OSCAR: variants seen among roughly 807,000 people sequenced by gnomAD.
OSCAR encodes osteoclast-associated immunoglobulin-like receptor.
OSCAR carries 25 observed loss-of-function variants against 27.3 expected under a neutral mutation model. The observed-to-expected ratio is 0.92, with a 90% CI of 0.67 to 1.28. The LOEUF (loss-of-function observed/expected upper bound fraction) is 1.28, where lower values mean the gene tolerates loss of function less well. Among genes scored for constraint, OSCAR ranks in the 50% most tolerant of loss-of-function variants. The pLI is 0.00. For missense variants in OSCAR, 354 were observed against 355.1 expected (o/e 1.00, Z 0.03); for synonymous variants, 158 against 165.7 (o/e 0.95, Z 0.36).
intron 4 of OSCAR, 139 bp from the exon 5 acceptor site, chr19:54,095,496 G>A: frequency 7.0e-7 from 1 of 1,434,764 alleles, no homozygotes; most frequent in Admixed American, 2.8e-5. Context: ...GTCGATGGAG[G>A]CTTCAACTCC....
chr19:54,100,696 G>T (rs771641195), intron 1 of OSCAR, 60 bp downstream of exon 1: 8 of 1,506,976 alleles, frequency 5.3e-6, no homozygotes, highest in Non-Finnish European at 7.2e-6. Flanking sequence ...GGTCTCCATT[G>T]CCTCTCTCTC....
chr19:54,096,639 T>A (rs2072738859), intron 3 of OSCAR, among the ~76,000 whole-genome samples: 1 of 148,116 alleles, frequency 6.8e-6, no homozygotes, highest in African/African-American at 2.5e-5. Flanking sequence ...TCTGCCTCCC[T>A]TTCTCCTTCT....
Position 54,095,179 on chromosome 19 carries a change from G to T in OSCAR, c.*42C>A, listed in dbSNP as rs1245158494. ...TCCAGCCCAGGGTCCCAGCTTCTCC[G>T]CCACTCAGGTTGGAAGTCTCGGGCT... On this transcript the variant is annotated 3_prime_UTR_variant, in exon 5 of 5. Coordinates refer to ENST00000358375, the MANE Select transcript of OSCAR (RefSeq NM_133169.6). 4 of 1,593,572 alleles carry T rather than the reference G, an allele frequency of 2.5e-6. No individual in the cohort carries two copies. Among genetic ancestry groups the T allele is most frequent in the African/African-American group, 1.3e-5 (1 of 74,596 alleles).
chr19:54,095,682 ACTC>A, intron 4 of OSCAR, 187 bp downstream of exon 4: 1 of 1,060,212 alleles, frequency 9.4e-7, no homozygotes. Context: ...GGAGGACTAG[ACTC>A]CTGGATCTGA....
chr19:54,098,819 C>G (rs950662480), intron 2 of OSCAR, among the ~76,000 whole-genome samples: 1 of 151,688 alleles, frequency 6.6e-6, no homozygotes, highest in Non-Finnish European at 1.5e-5. Context: ...AACCCTGTCT[C>G]TACTAAAAAT....
rs968490375 is a variant in OSCAR at position 54,094,930 on chromosome 19, C to A, written c.*291G>T. 6.1e-5 allele frequency: 24 copies of A among 394,930 alleles called. No homozygotes were observed. The highest frequency in any genetic ancestry group is 1.1e-4 in the Non-Finnish European group (24 of 226,442). The allele number at this position is 394,930 out of a possible 1,614,324, so 24.5% of individuals were successfully genotyped here. A position where few individuals can be genotyped will look rare whatever the true frequency, so the allele number is the denominator to read the frequency against. Reference sequence around the variant, plus strand: ...GAAGTCCAGCTGGCTTCACGTCTCACTACTACCTTTCTGTAGCTGCTACTA... The same window carrying A: ...GAAGTCCAGCTGGCTTCACGTCTCAATACTACCTTTCTGTAGCTGCTACTA... On this transcript the variant is annotated 3_prime_UTR_variant, in exon 5 of 5. Transcript: ENST00000358375.
rs771722966 is a variant in OSCAR, at chr19:54,095,258, C to A, written c.755G>T (p.Arg252Leu). Residue 252 changes from arginine (R) to leucine (L), a missense_variant, in exon 5 of 5, where the codon CGC becomes CTC. Transcript: ENST00000358375. ...SLGALVTFDWRSQNRAPAGIR... is the reference protein window; with the variant it reads ...SLGALVTFDWLSQNRAPAGIR... Reference sequence around the variant, plus strand: ...ACCAGCAGGAGCGCGGTTCTGACTGCGCCAGTCAAAAGTGACCAGCGCGCC... The same window carrying A: ...ACCAGCAGGAGCGCGGTTCTGACTGAGCCAGTCAAAAGTGACCAGCGCGCC... The A allele has an allele frequency of 1.2e-6, 2 of 1,609,436 alleles. No individual in the cohort carries two copies. The highest frequency in any genetic ancestry group is 1.7e-6 in the Non-Finnish European group (2 of 1,178,416).
At chr19:54,098,186 A>G (rs2072851580) in intron 2 of OSCAR, among the ~76,000 whole-genome samples, 2 of 152,198 alleles carry the variant, frequency 1.3e-5, no homozygotes, top group African/African-American at 4.8e-5. Flanking sequence ...CAAATTTCTT[A>G]AGTTGTGTAT....
At chr19:54,097,351 A>G (rs2072802843) in intron 2 of OSCAR, among the ~76,000 whole-genome samples, 187 bp from the exon 3 acceptor site, 1 of 152,104 alleles carries the variant, frequency 6.6e-6, no homozygotes, top group Non-Finnish European at 1.5e-5. Context: ...TGCAAATCAG[A>G]GGGGCAGGAC....
chr19:54,097,660 T>A (rs1411138879), intron 2 of OSCAR, among the ~76,000 whole-genome samples: 2 of 146,432 alleles, frequency 1.4e-5, no homozygotes, highest in African/African-American at 5.1e-5. Context: ...AGTGGCATGT[T>A]CTCAACTCAC....
At chr19:54,096,596 C>T (rs12984924) in intron 3 of OSCAR, among the ~76,000 whole-genome samples, 1,154 of 111,150 alleles carry the variant, frequency 0.01, 8 homozygotes, top group East Asian at 0.026. Flanking sequence ...CTCCCTCTCT[C>T]TCTGCCTCCC....
Position 54,096,897 on chromosome 19 carries a change from GA to G in OSCAR, c.337del (p.Ser113ProfsTer11). The G allele has an allele frequency of 6.2e-7, 1 of 1,614,002 alleles. No homozygotes were observed. Among genetic ancestry groups the G allele is most frequent in the Non-Finnish European group, 8.5e-7 (1 of 1,179,990 alleles). On this transcript the variant is annotated frameshift_variant, in exon 3 of 5. Transcript: ENST00000358375. LOFTEE classifies it high-confidence loss of function. ...CAGCTCCAGGACATCGCTGGGCTGG[GA>G]CCAGACACCCGGCCCCCAGTCTGGC... ...RRPDWGPGVW[S>X]QPSDVLELLV...
chr19:54,098,257 C>A (rs2072854588), intron 2 of OSCAR, among the ~76,000 whole-genome samples: 2 of 152,064 alleles, frequency 1.3e-5, no homozygotes, highest in African/African-American at 4.8e-5. Context: ...ATTCACAAAT[C>A]ACACAAATTA....
chr19:54,096,070 G>A lies in OSCAR; in HGVS notation c.457C>T (p.Arg153Cys), dbSNP rs1269213827. The change falls in exon 4 of 5, where the codon CGC (arginine) becomes TGC (cysteine). Residue 153 changes from arginine to cysteine, a missense_variant. Arg to Cys is a radical substitution (Grantham distance 180). Transcript: ENST00000358375. Reference sequence around the variant, plus strand: ...AGCACGAAGCTCATGTTCCGCAGGCGGCCCGCGCAGCGCAGGCTCACGTTG... The same window carrying A: ...AGCACGAAGCTCATGTTCCGCAGGCAGCCCGCGCAGCGCAGGCTCACGTTG... Reference protein sequence around the residue: ...GANVSLRCAGRLRNMSFVLYR... With the variant: ...GANVSLRCAGCLRNMSFVLYR... 1 of 1,538,752 alleles carries A rather than the reference G, an allele frequency of 6.5e-7. No individual in the cohort carries two copies. The highest frequency in any genetic ancestry group is 8.7e-7 in the Non-Finnish European group (1 of 1,147,636).
intron 2 of OSCAR, 97 bp from the exon 3 acceptor site, chr19:54,097,261 C>T (rs1379561453): frequency 1.6e-6 from 2 of 1,228,526 alleles, no homozygotes; most frequent in East Asian, 2.4e-5. Flanking sequence ...TGGACAATTA[C>T]TGCCCCTTTC....
chr19:54,099,229 A>ATTTTTTTTTTTTTTTTT (rs1228940404), intron 2 of OSCAR, among the ~76,000 whole-genome samples: 1 of 82,428 alleles, frequency 1.2e-5, no homozygotes, highest in Non-Finnish European at 2.1e-5. Context: ...CACCCGGCTA[A>ATTTTTTTTTTTTTTTTT]TTTTTTTTTT....
At position 54,096,968 on chromosome 19, in the gene OSCAR, C is replaced by T. The variant is rs764158431; in HGVS notation, c.267G>A (p.Glu89=). The T allele has an allele frequency of 1.2e-6, 2 of 1,614,048 alleles. No individual in the cohort carries two copies. The highest frequency in any genetic ancestry group is 3.3e-5 in the Admixed American group (2 of 59,974). Residue 89 remains glutamate, a synonymous_variant, in exon 3 of 5, where the codon GAG becomes GAA. Coordinates refer to ENST00000358375, the MANE Select transcript of OSCAR (RefSeq NM_133169.6). ...SSELAEFFLE[E]VTPAQGGSYR... Reference sequence around the variant, plus strand: ...AACTTCCCCCTTGGGCTGGAGTCACCTCCTCCAGAAAGAATTCTGCCAGCT... The same window carrying T: ...AACTTCCCCCTTGGGCTGGAGTCACTTCCTCCAGAAAGAATTCTGCCAGCT...
intron 2 of OSCAR, 150 bp from the exon 3 acceptor site, chr19:54,097,314 C>T (rs1352203129): frequency 1.2e-6 from 1 of 809,716 alleles, no homozygotes; most frequent in Non-Finnish European, 1.9e-6. Context: ...AGAGACTGGA[C>T]TACAATCAAG....
At position 54,095,092 on chromosome 19, in the gene OSCAR, G is replaced by C; in HGVS notation, c.*129C>G. 7.1e-7 allele frequency: 1 copy of C among 1,401,284 alleles called. No individual in the cohort carries two copies. The highest frequency in any genetic ancestry group is 2.6e-5 in the East Asian group (1 of 39,032). The allele number at this position is 1,401,284 out of a possible 1,614,324, so 86.8% of individuals were successfully genotyped here. On this transcript the variant is annotated 3_prime_UTR_variant, in exon 5 of 5. Coordinates refer to ENST00000358375, the MANE Select transcript of OSCAR (RefSeq NM_133169.6). ...AGAAGCTACAGCACAGGGCACAGCG[G>C]GGTCTAAGGACCGTTCCGCGGAGCT...
Sources: allele counts gnomAD v4.1 joint callset (sites outside exome capture counted in the v4.1 genomes callset), GRCh38; gene constraint gnomAD v4.1.1; transcripts MANE v1.5; gene names NCBI Gene and HGNC (gene_info 2026-07-23, HGNC 2026-07-21).